The following KCNA6 variants were observed in gnomAD, a reference collection of about 807,000 sequenced individuals.
KCNA6 encodes human brain potassium channel-2.
In KCNA6, 17 loss-of-function variants were observed where a neutral mutation model predicts 29.5. The ratio of observed to expected loss-of-function variants is 0.58; its 90% CI spans 0.39 to 0.86. The LOEUF is 0.86. KCNA6 is among the 40% of genes least tolerant of loss of function. The pLI is 0.00. For synonymous variants in KCNA6, 296 were observed against 304.7 expected (o/e 0.97, Z 0.30); for missense variants, 450 against 703.4 (o/e 0.64, Z 4.07).
the KCNA6 span, among the ~76,000 whole-genome samples, chr12:4,843,715 G>A: frequency 7.2e-5 from 11 of 152,242 alleles, no homozygotes; most frequent in Non-Finnish European, 1.3e-4. Context: ...AGTGGGAGCA[G>A]GCAGTTCACG....
At chr12:4,838,414 T>C in the KCNA6 span, among the ~76,000 whole-genome samples, 2 of 152,194 alleles carry the variant, frequency 1.3e-5, no homozygotes. Context: ...CACTGGGGGC[T>C]ACCAAGGAGT....
chr12:4,841,988 G>C, the KCNA6 span, among the ~76,000 whole-genome samples: 1 of 147,950 alleles, frequency 6.8e-6, no homozygotes, highest in Non-Finnish European at 1.5e-5. Flanking sequence ...TGAAACAAAA[G>C]ATTTCTTCCT....
the KCNA6 span, among the ~76,000 whole-genome samples, chr12:4,824,333 T>C: frequency 1.3e-5 from 2 of 152,236 alleles, no homozygotes; most frequent in Non-Finnish European, 1.5e-5. Flanking sequence ...TTGGGAAATA[T>C]GTCCATCTAT....
chr12:4,848,251 CAA>C, the KCNA6 span, among the ~76,000 whole-genome samples: 1 of 16,382 alleles, frequency 6.1e-5, no homozygotes, highest in African/African-American at 4.0e-4. Flanking sequence ...CTGCTTCTGT[CAA>C]CTGACACCCT....
chr12:4,822,833 G>T, the KCNA6 span, among the ~76,000 whole-genome samples: 3 of 152,178 alleles, frequency 2.0e-5, no homozygotes, highest in Non-Finnish European at 1.5e-5. Context: ...CTTCTGCGAT[G>T]TCATGAGGCC....
chr12:4,835,284 G>A, the KCNA6 span, among the ~76,000 whole-genome samples: 18 of 151,868 alleles, frequency 1.2e-4, no homozygotes, highest in East Asian at 3.1e-3. Context: ...ACAGGCACCC[G>A]CCACTGCGCC....
the KCNA6 span, among the ~76,000 whole-genome samples, chr12:4,846,301 G>A: frequency 6.6e-6 from 1 of 151,946 alleles, no homozygotes; most frequent in East Asian, 1.9e-4. Flanking sequence ...TAAGTCTTAG[G>A]AAAATTGACT....
rs761878249 is a variant in KCNA6 at position 4,810,465 on chromosome 12, C to T, written c.424C>T (p.Pro142Ser). The T allele has an allele frequency of 6.2e-7, 1 of 1,614,070 alleles. No individual in the cohort carries two copies. Among genetic ancestry groups the T allele is most frequent in the Non-Finnish European group, 8.5e-7 (1 of 1,180,008 alleles). ...CTTCCGGGAGGACGAGGGCTGCCTG[C>T]CCGAAGGTGGCGAGGACGAGAAGCC... The change falls in exon 1 of 1, where the codon CCC becomes TCC. Residue 142 changes from proline to serine, a missense_variant. Pro to Ser is a moderately conservative substitution (Grantham distance 74). Around this residue, in one of 7 missense-constraint regions of KCNA6, gnomAD observed 133 missense variants for 217.5 expected, o/e 0.61. Transcript: ENST00000280684. The surrounding 1 kb of genome is among the most constrained non-coding windows in gnomAD (Gnocchi z 7.5).
chr12:4,836,986 G>T, the KCNA6 span, among the ~76,000 whole-genome samples: 1 of 152,180 alleles, frequency 6.6e-6, no homozygotes, highest in Non-Finnish European at 1.5e-5. Context: ...TTTAATGATG[G>T]CTGGCAGCCC....
chr12:4,817,925 G>C (rs907999679), downstream of KCNA6, among the ~76,000 whole-genome samples: 18 of 152,216 alleles, frequency 1.2e-4, no homozygotes, highest in Admixed American at 2.0e-4. Flanking sequence ...TCTTTGGTGA[G>C]AGCAAAGGCG....
At chr12:4,837,860 G>A in the KCNA6 span, among the ~76,000 whole-genome samples, 4 of 151,832 alleles carry the variant, frequency 2.6e-5, no homozygotes, top group African/African-American at 9.7e-5. Flanking sequence ...AGAGGCTACA[G>A]TCACTTACTG....
the KCNA6 span, among the ~76,000 whole-genome samples, chr12:4,840,742 A>G: frequency 6.6e-6 from 1 of 152,242 alleles, no homozygotes; most frequent in African/African-American, 2.4e-5. Flanking sequence ...TTCCCTGCTG[A>G]TGTGGCATAG....
chr12:4,827,190 T>C, the KCNA6 span, among the ~76,000 whole-genome samples: 7 of 80,048 alleles, frequency 8.7e-5, no homozygotes, highest in Admixed American at 8.9e-4. Flanking sequence ...CCTTCCCTCC[T>C]TCCTTCCTTC....
downstream of KCNA6, among the ~76,000 whole-genome samples, chr12:4,815,031 T>A (rs1184956756): frequency 1.3e-5 from 2 of 152,216 alleles, no homozygotes; most frequent in African/African-American, 4.8e-5. Flanking sequence ...TATCTCTTTT[T>A]CTGTGCATTT....
At chr12:4,822,697 G>A in the KCNA6 span, among the ~76,000 whole-genome samples, 1 of 152,200 alleles carries the variant, frequency 6.6e-6, no homozygotes, top group Admixed American at 6.5e-5. Context: ...TCAGACTGTG[G>A]AGCACTACTC....
At chr12:4,814,249 A>G (rs1049840562), downstream of KCNA6, 1 of 166,970 alleles carries the variant, frequency 6.0e-6, no homozygotes, top group African/African-American at 2.4e-5. This position sits in a 1 kb window ranked among gnomAD's most constrained non-coding sequence, Gnocchi z 4.6. Context: ...GTCAGTATTA[A>G]TTTTTTCAAG....
At chr12:4,825,864 A>C in the KCNA6 span, among the ~76,000 whole-genome samples, 1 of 151,932 alleles carries the variant, frequency 6.6e-6, no homozygotes, top group Non-Finnish European at 1.5e-5. Flanking sequence ...CTTTTGCCTT[A>C]CACTGTAACA....
chr12:4,827,206 C>CTCCCTCCTTCCTTCCTTCCTTCCTTCCT, the KCNA6 span, among the ~76,000 whole-genome samples: 1 of 113,826 alleles, frequency 8.8e-6, no homozygotes, highest in Admixed American at 9.7e-5. Context: ...CCTTCCTTCC[C>CTCCCTCCTTCCTTCCTTCCTTCCTTCCT]TCCTTCCTTC....
chr12:4,832,496 T>C, the KCNA6 span, among the ~76,000 whole-genome samples: 1 of 152,098 alleles, frequency 6.6e-6, no homozygotes, highest in Non-Finnish European at 1.5e-5. Flanking sequence ...TTGATACTCT[T>C]TTGAGGGTGG....
Sources: gnomAD v4.1 joint callset for allele counts (sites outside exome capture counted in the v4.1 genomes callset) on GRCh38, gnomAD v4.1.1 for gene constraint, gnomAD v4.1.1 regional missense constraint, Gnocchi (gnomAD v3.1) non-coding constraint, MANE v1.5 for transcripts, NCBI Gene and HGNC (gene_info 2026-07-23, HGNC 2026-07-21) for gene names.